The following BMP7 variants were observed in gnomAD, a reference collection of about 807,000 sequenced individuals.
BMP7 encodes the protein bone morphogenetic protein 7, also known as osteogenic protein 1.
BMP7 carries 12 observed loss-of-function variants against 41.2 expected under a neutral mutation model. That is an observed-to-expected ratio of 0.29 (90% CI 0.19 to 0.47). The LOEUF (loss-of-function observed/expected upper bound fraction) is 0.47, where lower values mean the gene tolerates loss of function less well. BMP7 is among the 20% of genes least tolerant of loss of function. The pLI is 0.99. For missense variants in BMP7, 467 were observed against 606.0 expected, an observed-to-expected ratio of 0.77 and a Z score of 2.41; for synonymous variants, 248 against 250.0, an observed-to-expected ratio of 0.99 and a Z score of 0.07.
intron 2 of BMP7, among the ~76,000 whole-genome samples, chr20:57,216,816 G>A (rs1985043454): frequency 6.6e-6 from 1 of 152,182 alleles, no homozygotes; most frequent in Non-Finnish European, 1.5e-5. Flanking sequence ...CAGTTGGTGA[G>A]GCTGACATGG....
At chr20:57,200,375 A>G (rs1984592717) in intron 3 of BMP7, among the ~76,000 whole-genome samples, 1 of 152,174 alleles carries the variant, frequency 6.6e-6, no homozygotes, top group African/African-American at 2.4e-5. Flanking sequence ...CACTGCCTCC[A>G]CCAATGCTGA....
intron 2 of BMP7, among the ~76,000 whole-genome samples, chr20:57,225,358 AG>A (rs1985286489): frequency 6.6e-6 from 1 of 152,214 alleles, no homozygotes; most frequent in Non-Finnish European, 1.5e-5. Context: ...GCCACCACCC[AG>A]GGCTCTTGTC....
At chr20:57,182,662 C>T (rs1021290402) in intron 4 of BMP7, among the ~76,000 whole-genome samples, 7 of 152,250 alleles carry the variant, frequency 4.6e-5, no homozygotes, top group Non-Finnish European at 1.0e-4. Flanking sequence ...GACTTACCCT[C>T]TTTGAGCCTC....
chr20:57,246,404 C>T (rs2066090845), intron 1 of BMP7, among the ~76,000 whole-genome samples: 1 of 152,224 alleles, frequency 6.6e-6, no homozygotes, highest in Non-Finnish European at 1.5e-5. Flanking sequence ...ACACACATAA[C>T]TGTAAAACCC....
At chr20:57,260,970 G>A (rs776821230) in intron 1 of BMP7, among the ~76,000 whole-genome samples, 8 of 152,306 alleles carry the variant, frequency 5.3e-5, no homozygotes, top group Non-Finnish European at 1.0e-4. Context: ...GGGTGGAGAC[G>A]GGGGAGACTT....
intron 3 of BMP7, among the ~76,000 whole-genome samples, chr20:57,196,013 A>T (rs1261756102): frequency 6.6e-6 from 1 of 152,180 alleles, no homozygotes; most frequent in Admixed American, 6.5e-5. Context: ...CATGAGGCAG[A>T]CAAGGGCTCC....
chr20:57,176,792 C>CACACACACG (rs1568702842), intron 4 of BMP7, among the ~76,000 whole-genome samples: 2 of 52,716 alleles, frequency 3.8e-5, no homozygotes, highest in East Asian at 1.7e-3. Context: ...ACACACACAC[C>CACACACACG]TGTTAACTGT....
intron 1 of BMP7, among the ~76,000 whole-genome samples, chr20:57,251,655 C>T (rs1349344799): frequency 1.3e-5 from 2 of 152,162 alleles, no homozygotes; most frequent in African/African-American, 4.8e-5. Flanking sequence ...GGCTTTTGGC[C>T]GGGCACAGTG....
chr20:57,257,913 A>G (rs555996949), intron 1 of BMP7, among the ~76,000 whole-genome samples: 2 of 151,302 alleles, frequency 1.3e-5, no homozygotes, highest in African/African-American at 4.9e-5. Context: ...GCCAACTGTC[A>G]TGCTAAGAGC....
intron 4 of BMP7, among the ~76,000 whole-genome samples, chr20:57,181,770 C>T (rs535015263): frequency 6.6e-6 from 1 of 152,294 alleles, no homozygotes; most frequent in African/African-American, 2.4e-5. Flanking sequence ...CCCCTCTGTG[C>T]TCTGTGCTTA....
In BMP7 at chr20:57,214,099, C is replaced by T. The variant is rs944703799; in HGVS notation, c.612-11476G>A. On this transcript the variant is annotated intron_variant, in intron 2 of 6. Transcript: ENST00000395863. The surrounding 1 kb of genome is among the most constrained non-coding windows in gnomAD (Gnocchi z 4.0). ...AAGGTGCGGAGCGAGCCCTCTGAAC[C>T]GTATGGTACCTGAGAGGCGAGCACT... Among the ~76,000 whole-genome samples the T allele has an allele frequency of 2.0e-5, 3 of 152,156 alleles. No individual in the cohort carries two copies. Among genetic ancestry groups the T allele is most frequent in the African/African-American group, 4.8e-5 (2 of 41,442 alleles).
intron 3 of BMP7, among the ~76,000 whole-genome samples, chr20:57,199,410 G>C (rs1281697282): frequency 6.6e-6 from 1 of 152,188 alleles, no homozygotes; most frequent in Non-Finnish European, 1.5e-5. Context: ...TACATACTGG[G>C]TGCAGCGTGC....
At position 57,259,221 on chromosome 20, in the gene BMP7, C is replaced by G. The variant is rs928300508; in HGVS notation, c.418+6484G>C. 6.6e-6 allele frequency among the ~76,000 whole-genome samples: 1 copy of G among 152,064 alleles called. No homozygotes were observed. The highest frequency in any genetic ancestry group is 1.5e-5 in the Non-Finnish European group (1 of 68,032). On this transcript the variant is annotated intron_variant, in intron 1 of 6. Coordinates refer to ENST00000395863, the MANE Select transcript of BMP7 (RefSeq NM_001719.3). The surrounding 1 kb of genome is among the most constrained non-coding windows in gnomAD (Gnocchi z 4.7). ...GCAGTGAAGCCCCCAATCCCCCACCCCATATATCACCCAGAATTAGCTGCA... is the reference window on the plus strand; with the variant it reads ...GCAGTGAAGCCCCCAATCCCCCACCGCATATATCACCCAGAATTAGCTGCA...
chr20:57,254,610 C>A (rs902620482), intron 1 of BMP7, among the ~76,000 whole-genome samples: 19 of 151,504 alleles, frequency 1.3e-4, no homozygotes, highest in Non-Finnish European at 1.5e-5. Context: ...TACTTGCTTT[C>A]TCCTTCTGAC....
intron 2 of BMP7, among the ~76,000 whole-genome samples, chr20:57,217,859 A>G (rs1402745828): frequency 6.6e-6 from 1 of 152,244 alleles, no homozygotes; most frequent in African/African-American, 2.4e-5. Context: ...GTTAGGTGTT[A>G]AAACAGGGGA....
chr20:57,203,232 A>G (rs552772341), intron 2 of BMP7, among the ~76,000 whole-genome samples: 6 of 152,270 alleles, frequency 3.9e-5, no homozygotes, highest in Admixed American at 2.6e-4. Flanking sequence ...ACCAAGAGTT[A>G]GGAGGTGAAT....
chr20:57,196,805 G>A (rs78184551), intron 3 of BMP7, among the ~76,000 whole-genome samples: 9,768 of 152,158 alleles, frequency 0.064, 455 homozygotes, highest in African/African-American at 0.13. Flanking sequence ...CCTGGGCAAC[G>A]TAGCAAGACC....
At chr20:57,263,092 A>G (rs796421581) in intron 1 of BMP7, among the ~76,000 whole-genome samples, 32 of 152,312 alleles carry the variant, frequency 2.1e-4, no homozygotes, top group African/African-American at 7.5e-4. Flanking sequence ...GTCTCGCCAA[A>G]CTGCAGCCCA....
intron 1 of BMP7, among the ~76,000 whole-genome samples, chr20:57,233,520 G>A (rs923346357): frequency 6.6e-6 from 1 of 152,216 alleles, no homozygotes. Flanking sequence ...TAGAGGCCAG[G>A]TAGGAACAAG....
Sources: allele counts gnomAD v4.1 joint callset (sites outside exome capture counted in the v4.1 genomes callset), GRCh38; gene constraint gnomAD v4.1.1; non-coding constraint Gnocchi (gnomAD v3.1); transcripts MANE v1.5; gene names NCBI Gene and HGNC (gene_info 2026-07-23, HGNC 2026-07-21).